Variants in COMMD7 observed in about 807,000 individuals in gnomAD.
COMMD7 encodes the protein COMM domain containing 7, also known as COMM domain-containing protein 7.
COMMD7 carries 28 observed loss-of-function variants against 34.8 expected under a neutral mutation model. That is an observed-to-expected ratio of 0.80 (90% CI 0.60 to 1.10). COMMD7 has a LOEUF of 1.10. Among genes scored for constraint, COMMD7 ranks in the 50% least tolerant of loss-of-function variants. The probability of loss-of-function intolerance (pLI) is 0.00; values close to 1 mark genes in which losing one functional copy is unlikely to be tolerated. For synonymous variants in COMMD7, 80 were observed against 86.4 expected, an observed-to-expected ratio of 0.93 and a Z score of 0.41; for missense variants, 211 against 241.6, an observed-to-expected ratio of 0.87 and a Z score of 0.84.
intron 3 of COMMD7, among the ~76,000 whole-genome samples, chr20:32,718,955 C>T (rs368521324): frequency 2.6e-5 from 4 of 152,200 alleles, no homozygotes; most frequent in Non-Finnish European, 5.9e-5. Flanking sequence ...TCTGGACACA[C>T]CAATTTGAGG....
rs769095619 is a variant in COMMD7 at position 32,704,874 on chromosome 20, A to G, written c.367T>C (p.Trp123Arg). 21 of 1,613,984 alleles carry G rather than the reference A, an allele frequency of 1.3e-5. No individual in the cohort carries two copies. Among genetic ancestry groups the G allele is most frequent in the Non-Finnish European group, 1.8e-5 (21 of 1,180,000 alleles). ...ATCATCAGAGTCTGACCTATGGCCC[A>G]TCGAGCAAGGGTGGGAGCATTCTGC... is the stretch of plus-strand genomic sequence containing the variant. ...WKQNAPTLARWAIGQTLMINQ... is the reference protein window; with the variant it reads ...WKQNAPTLARRAIGQTLMINQ... The change falls in exon 6 of 9, where the codon TGG becomes CGG. Residue 123 changes from tryptophan (W) to arginine (R), a missense_variant. Trp to Arg is a moderately radical substitution (Grantham distance 101). Coordinates refer to ENST00000278980, the MANE Select transcript of COMMD7 (RefSeq NM_053041.3).
At chr20:32,707,299 A>ATTTTGAGATAAG (rs1346633922) in intron 3 of COMMD7, among the ~76,000 whole-genome samples, 20 of 139,468 alleles carry the variant, frequency 1.4e-4, no homozygotes, top group Non-Finnish European at 2.8e-4. Flanking sequence ...AAAAAAATAT[A>ATTTTGAGATAAG]TATATATATA....
intron 8 of COMMD7, 138 bp downstream of exon 8, chr20:32,703,885 G>C: frequency 2.6e-6 from 4 of 1,555,146 alleles, no homozygotes; most frequent in Non-Finnish European, 3.5e-6. Context: ...TTCAGGAGAG[G>C]AAAGGCAGTG....
Position 32,742,823 on chromosome 20 carries a change from C to T in COMMD7, c.84+485G>A, listed in dbSNP as rs542028607. Among the ~76,000 whole-genome samples the T allele has an allele frequency of 9.2e-5, 14 of 152,224 alleles. No individual in the cohort carries two copies. The East Asian group carries it at 2.7e-3, about 29-fold the overall frequency. On this transcript the variant is annotated intron_variant, in intron 1 of 8. Transcript: ENST00000278980. ...CCCAGGCCAAGCTTCCCCGGGCCCC[C>T]TCAGATTCTCGGGCCCTCCCACTCC...
intron 3 of COMMD7, among the ~76,000 whole-genome samples, chr20:32,715,391 G>A (rs1984718130): frequency 1.4e-5 from 2 of 143,366 alleles, no homozygotes; most frequent in South Asian, 4.4e-4. Flanking sequence ...GCTGAGGTGG[G>A]AGGCTCACTG....
intron 5 of COMMD7, among the ~76,000 whole-genome samples, chr20:32,705,376 A>ATATATATATTTTT (rs1335467096): frequency 8.8e-5 from 11 of 125,450 alleles, no homozygotes; most frequent in African/African-American, 3.8e-4. Context: ...ATATATATAT[A>ATATATATATTTTT]TTTTTTTTTT....
chr20:32,717,048 G>A (rs1319161907), intron 3 of COMMD7, among the ~76,000 whole-genome samples: 1 of 152,080 alleles, frequency 6.6e-6, no homozygotes, highest in Admixed American at 6.6e-5. Context: ...AGCCAGAATG[G>A]TCTTGATCTC....
intron 3 of COMMD7, among the ~76,000 whole-genome samples, chr20:32,707,717 A>T (rs966541732): frequency 6.6e-6 from 1 of 151,732 alleles, no homozygotes; most frequent in Non-Finnish European, 1.5e-5. Context: ...GGACTTGGGG[A>T]TGGAGCAACT....
chr20:32,732,865 G>A (rs1985918260), intron 1 of COMMD7, among the ~76,000 whole-genome samples: 1 of 151,968 alleles, frequency 6.6e-6, no homozygotes, highest in Non-Finnish European at 1.5e-5. Context: ...GAACCTGGGA[G>A]GTGGAGCTTG....
intron 3 of COMMD7, among the ~76,000 whole-genome samples, chr20:32,722,961 G>A (rs895182749): frequency 4.6e-5 from 7 of 151,408 alleles, no homozygotes; most frequent in African/African-American, 1.7e-4. Flanking sequence ...AGAGCTTGCA[G>A]TGAGCTGAGA....
At chr20:32,725,431 GT>G (rs56381432) in intron 3 of COMMD7, among the ~76,000 whole-genome samples, 7 of 129,940 alleles carry the variant, frequency 5.4e-5, no homozygotes, top group African/African-American at 5.7e-5. Flanking sequence ...ACTGTGTTTT[GT>G]TTTTTTTTTT....
At chr20:32,740,482 G>A (rs147476026) in intron 1 of COMMD7, among the ~76,000 whole-genome samples, 26 of 152,066 alleles carry the variant, frequency 1.7e-4, no homozygotes, top group African/African-American at 5.8e-4. Context: ...ATGGCATTTT[G>A]ATCAATGATG....
intron 3 of COMMD7, among the ~76,000 whole-genome samples, chr20:32,717,473 G>A (rs2145736602): frequency 6.6e-6 from 1 of 152,192 alleles, no homozygotes; most frequent in East Asian, 1.9e-4. Flanking sequence ...TTACAGGCAT[G>A]TGCCACCACG....
chr20:32,743,393 G>A lies in COMMD7; in HGVS notation c.-2C>T, dbSNP rs1986550259. Reference sequence around the variant, plus strand: ...CTCAGTGCAGTGCAGGCGGCCCATGGCGCGCGCCCCAGCCCCGCAGGTTCC... The same window carrying A: ...CTCAGTGCAGTGCAGGCGGCCCATGACGCGCGCCCCAGCCCCGCAGGTTCC... On this transcript the variant is annotated 5_prime_UTR_variant, in exon 1 of 9. Transcript: ENST00000278980. 3 of 1,385,630 alleles carry A rather than the reference G, an allele frequency of 2.2e-6. No homozygotes were observed. The highest frequency in any genetic ancestry group is 2.8e-6 in the Non-Finnish European group (3 of 1,075,500). The allele number at this position is 1,385,630 out of a possible 1,614,324, so 85.8% of individuals were successfully genotyped here. A position where few individuals can be genotyped will look rare whatever the true frequency, so the allele number is the denominator to read the frequency against.
At chr20:32,730,487 G>A (rs769927542) in intron 1 of COMMD7, among the ~76,000 whole-genome samples, 5 of 151,874 alleles carry the variant, frequency 3.3e-5, no homozygotes, top group Non-Finnish European at 7.4e-5. Flanking sequence ...CCTGGGAGGC[G>A]GAGGTTGCAG....
At chr20:32,721,563 G>C (rs1438529114) in intron 3 of COMMD7, among the ~76,000 whole-genome samples, 1 of 151,378 alleles carries the variant, frequency 6.6e-6, no homozygotes, top group East Asian at 2.0e-4. Flanking sequence ...TGGCCAACAT[G>C]GCAAAACTCC....
chr20:32,705,376 A>ATATATATATATATATTTT (rs1335467096), intron 5 of COMMD7, among the ~76,000 whole-genome samples: 49 of 125,408 alleles, frequency 3.9e-4, no homozygotes, highest in African/African-American at 1.7e-3. Context: ...ATATATATAT[A>ATATATATATATATATTTT]TTTTTTTTTT....
intron 3 of COMMD7, among the ~76,000 whole-genome samples, chr20:32,727,035 G>C (rs1295954515): frequency 6.6e-6 from 1 of 152,020 alleles, no homozygotes; most frequent in African/African-American, 2.4e-5. Context: ...TTTGAGACTA[G>C]CCTGGGTAAC....
At chr20:32,729,500 G>A (rs1985715472) in intron 1 of COMMD7, among the ~76,000 whole-genome samples, 1 of 151,900 alleles carries the variant, frequency 6.6e-6, no homozygotes, top group Non-Finnish European at 1.5e-5. Context: ...AGAGGAAGAG[G>A]CCAGGTGCAG....
Sources: gnomAD v4.1 joint callset for allele counts (sites outside exome capture counted in the v4.1 genomes callset) on GRCh38, gnomAD v4.1.1 for gene constraint, MANE v1.5 for transcripts, NCBI Gene and HGNC (gene_info 2026-07-23, HGNC 2026-07-21) for gene names.